FAM227A: variants seen among roughly 807,000 people sequenced by gnomAD.
FAM227A encodes family with sequence similarity 227 member A, also known as protein FAM227A.
In FAM227A, 80 loss-of-function variants were observed where a neutral mutation model predicts 74.7. The ratio of observed to expected loss-of-function variants is 1.07; its 90% CI spans 0.89 to 1.29. The LOEUF (loss-of-function observed/expected upper bound fraction) is 1.29, where lower values mean the gene tolerates loss of function less well. Among genes scored for constraint, FAM227A ranks in the 50% most tolerant of loss-of-function variants. FAM227A has a pLI of 0.00. For synonymous variants in FAM227A, 237 were observed against 241.8 expected, an observed-to-expected ratio of 0.98 and a Z score of 0.19; for missense variants, 654 against 683.4, an observed-to-expected ratio of 0.96 and a Z score of 0.48.
intron 13 of FAM227A, among the ~76,000 whole-genome samples, chr22:38,600,349 T>A (rs1442258592): frequency 6.6e-6 from 1 of 151,580 alleles, no homozygotes. Context: ...TATTTTATTT[T>A]TGAGACTTGG....
chr22:38,613,649 G>C (rs1320043835), intron 11 of FAM227A, among the ~76,000 whole-genome samples: 2 of 151,082 alleles, frequency 1.3e-5, no homozygotes, highest in Non-Finnish European at 2.9e-5. Context: ...CTGGCTCAAA[G>C]ACATCATTTT....
intron 6 of FAM227A, among the ~76,000 whole-genome samples, chr22:38,635,247 AAAG>A (rs1273353179): frequency 4.6e-5 from 7 of 151,110 alleles, no homozygotes; most frequent in African/African-American, 1.2e-4. Flanking sequence ...AAAAAAAAAA[AAAG>A]GAAGGAAGGG....
intron 9 of FAM227A, among the ~76,000 whole-genome samples, chr22:38,625,198 G>GT (rs2091770935): frequency 1.3e-5 from 2 of 151,630 alleles, no homozygotes; most frequent in African/African-American, 4.9e-5. Flanking sequence ...GACCATCCTG[G>GT]CTAACACAGT....
At chr22:38,605,565 C>T (rs2091266542) in intron 12 of FAM227A, among the ~76,000 whole-genome samples, 1 of 152,214 alleles carries the variant, frequency 6.6e-6, no homozygotes, top group East Asian at 1.9e-4. Flanking sequence ...GCTGAGATTA[C>T]AGGCATGAGC....
intron 11 of FAM227A, among the ~76,000 whole-genome samples, chr22:38,616,269 C>T (rs1371403601): frequency 1.3e-5 from 2 of 152,228 alleles, no homozygotes; most frequent in Admixed American, 1.3e-4. Context: ...CAGTCCAAGC[C>T]AGTGGGGTCC....
At chr22:38,630,978 G>A (rs1603020237) in intron 6 of FAM227A, among the ~76,000 whole-genome samples, 1 of 152,302 alleles carries the variant, frequency 6.6e-6, no homozygotes, top group African/African-American at 2.4e-5. Flanking sequence ...GACCAGTCTG[G>A]CCAACGTGGT....
chr22:38,644,054 G>A (rs1324982904), intron 3 of FAM227A, among the ~76,000 whole-genome samples: 1 of 149,838 alleles, frequency 6.7e-6, no homozygotes, highest in Non-Finnish European at 1.5e-5. Context: ...GCTGAGGCAG[G>A]AGAATGGTGT....
In FAM227A at chr22:38,584,603, A is replaced by T. The variant is rs1156784931; in HGVS notation, c.*1522T>A. On this transcript the variant is annotated 3_prime_UTR_variant, in exon 17 of 17. Coordinates refer to ENST00000535113, the MANE Select transcript of FAM227A (RefSeq NM_001013647.2). The stretch of plus-strand genomic sequence containing the variant: ...AACACAGTGAGATCCCATCTCTACA[A>T]AAAAATTTCTTTAAAAATTAGCCAG... 6.6e-6 allele frequency: 1 copy of T among 152,062 alleles called. No individual in the cohort carries two copies. The highest frequency in any genetic ancestry group is 2.4e-5 in the African/African-American group (1 of 41,352). 9.4% of individuals were successfully genotyped at this position (152,062 alleles called of 1,614,324 possible). A position where few individuals can be genotyped will look rare whatever the true frequency, so the allele number is the denominator to read the frequency against.
rs187590660 is a variant in FAM227A, at chr22:38,626,670, C to T, written c.727-367G>A. Among the ~76,000 whole-genome samples the T allele has an allele frequency of 5.3e-5, 8 of 150,538 alleles. No homozygotes were observed. In the East Asian group the frequency reaches 7.8e-4, roughly 15 times the overall value. On this transcript the variant is annotated intron_variant, in intron 8 of 16. Transcript: ENST00000535113. ...CCTGAGGTCAGGAGTTTGAGACCAG[C>T]CTGGCCAACATGGTGAAACTGTGTC... is the stretch of plus-strand genomic sequence containing the variant.
At chr22:38,646,244 ATTTCTTTTTTTTTT>A (rs1164977713) in intron 2 of FAM227A, among the ~76,000 whole-genome samples, 8 of 89,694 alleles carry the variant, frequency 8.9e-5, no homozygotes, top group African/African-American at 3.6e-4. Flanking sequence ...TCCTTCCAGT[ATTTCTTTTTTTTTT>A]TTTTTTTTTT....
At chr22:38,648,288 G>C (rs1484269325) in intron 2 of FAM227A, among the ~76,000 whole-genome samples, 1 of 147,990 alleles carries the variant, frequency 6.8e-6, no homozygotes, top group Non-Finnish European at 1.5e-5. Flanking sequence ...GGTGAGAAGA[G>C]GCAAGGTCAA....
chr22:38,616,938 G>T (rs2091589982), intron 11 of FAM227A, among the ~76,000 whole-genome samples: 1 of 152,110 alleles, frequency 6.6e-6, no homozygotes, highest in Admixed American at 6.5e-5. Flanking sequence ...AGGGTGCAGA[G>T]GGGGGCAGGC....
intron 13 of FAM227A, among the ~76,000 whole-genome samples, chr22:38,602,589 T>C (rs1463956603): frequency 1.3e-5 from 2 of 152,258 alleles, no homozygotes; most frequent in Non-Finnish European, 2.9e-5. Context: ...CCTTTTTAAA[T>C]TTTTTCATTT....
rs555053962 is a variant in FAM227A, at chr22:38,588,688, C to T, written c.1639-2489G>A. The stretch of plus-strand genomic sequence containing the variant: ...CTGTAATCCTAGAACTTTGGGAGGC[C>T]GAGACGGGTGGATCACGAGGTCAGG... On this transcript the variant is annotated intron_variant, in intron 16 of 16. Transcript: ENST00000535113. Among the ~76,000 whole-genome samples, 33 of 145,638 alleles carry T rather than the reference C, an allele frequency of 2.3e-4. No homozygotes were observed. The South Asian group carries it at 4.4e-3, about 19-fold the overall frequency.
chr22:38,618,469 C>T (rs1219029780), intron 11 of FAM227A: 3 of 152,144 alleles, frequency 2.0e-5, no homozygotes, highest in Non-Finnish European at 4.4e-5. Flanking sequence ...CAATTAATTG[C>T]TCTTTGTTAG....
rs935049363 is a variant in FAM227A, at chr22:38,579,064, C to T, written c.*7061G>A. ...AACTTGCCTGAGGCTCACAGTCTGG[C>T]TCCAGTGACCATGCTCTTAACTGAC... On this transcript the variant is annotated 3_prime_UTR_variant, in exon 17 of 17. Coordinates refer to ENST00000535113, the MANE Select transcript of FAM227A (RefSeq NM_001013647.2). 1 of 152,164 alleles carries T rather than the reference C, an allele frequency of 6.6e-6. No homozygotes were observed. Among genetic ancestry groups the T allele is most frequent in the Non-Finnish European group, 1.5e-5 (1 of 68,048 alleles). 9.4% of individuals were successfully genotyped at this position (152,164 alleles called of 1,614,324 possible).
intron 11 of FAM227A, among the ~76,000 whole-genome samples, chr22:38,608,721 G>A (rs903377263): frequency 9.9e-5 from 15 of 151,238 alleles, no homozygotes; most frequent in African/African-American, 2.4e-5. Flanking sequence ...ATGAGCCACC[G>A]TGCCAGGATA....
intron 12 of FAM227A, among the ~76,000 whole-genome samples, chr22:38,607,092 G>A (rs892883992): frequency 4.0e-5 from 6 of 150,294 alleles, no homozygotes; most frequent in Middle Eastern, 3.4e-3. Context: ...CAGGAGAATC[G>A]CTTGAACCTG....
chr22:38,610,803 TG>T (rs2091397104), intron 11 of FAM227A, among the ~76,000 whole-genome samples: 1 of 152,238 alleles, frequency 6.6e-6, no homozygotes, highest in Non-Finnish European at 1.5e-5. Flanking sequence ...GGCTCACGCC[TG>T]CAATCCTGGC....
Sources: allele counts gnomAD v4.1 joint callset (sites outside exome capture counted in the v4.1 genomes callset), GRCh38; gene constraint gnomAD v4.1.1; transcripts MANE v1.5; gene names NCBI Gene and HGNC (gene_info 2026-07-23, HGNC 2026-07-21).